Variants in LHFPL3 observed in about 807,000 individuals in gnomAD.
The protein encoded by LHFPL3 is LHFPL tetraspan subfamily member 3 protein.
A neutral mutation model predicts 19.3 loss-of-function variants in LHFPL3; 5 were observed. The ratio of observed to expected loss-of-function variants is 0.26; its 90% CI spans 0.14 to 0.54. The LOEUF is 0.54. LHFPL3 is among the 20% of genes least tolerant of loss of function. LHFPL3 has a pLI of 0.94. For missense variants in LHFPL3, 249 were observed against 307.4 expected (o/e 0.81, Z 1.42); for synonymous variants, 133 against 126.2 (o/e 1.05, Z -0.36).
chr7:104,354,085 C>G (rs1790227787), intron 1 of LHFPL3, among the ~76,000 whole-genome samples: 1 of 152,186 alleles, frequency 6.6e-6, no homozygotes, highest in Admixed American at 6.5e-5. Flanking sequence ...TTGTGTTCCT[C>G]CATTTTTAAT....
At chr7:104,731,857 G>T (rs886119031) in intron 1 of LHFPL3, among the ~76,000 whole-genome samples, 1 of 151,874 alleles carries the variant, frequency 6.6e-6, no homozygotes, top group Non-Finnish European at 1.5e-5. Context: ...ATTGGCTGTG[G>T]GTTTGTCATA....
intron 1 of LHFPL3, among the ~76,000 whole-genome samples, chr7:104,513,954 A>G (rs368034574): frequency 8.6e-5 from 13 of 150,736 alleles, no homozygotes; most frequent in African/African-American, 3.2e-4. Flanking sequence ...GTCAAGGTCA[A>G]GGTGTGTGTG....
chr7:104,466,214 G>T (rs1195217411), intron 1 of LHFPL3, among the ~76,000 whole-genome samples: 1 of 152,202 alleles, frequency 6.6e-6, no homozygotes, highest in South Asian at 2.1e-4. Flanking sequence ...TTTAAATATT[G>T]GTATTGAAAG....
Position 104,502,495 on chromosome 7 carries a change from G to A in LHFPL3, c.445+173271G>A, listed in dbSNP as rs544910895. ...AAGAGTATAGAAATGGCATCTACAT[G>A]TTGGCTAAGCCATCTGGACTGTGAC... On this transcript the variant is annotated intron_variant, in intron 1 of 2. Coordinates refer to ENST00000424859, the MANE Select transcript of LHFPL3 (RefSeq NM_199000.3). Among the ~76,000 whole-genome samples the A allele has an allele frequency of 3.9e-4, 60 of 152,322 alleles. 1 individual carries two copies. The highest frequency in any genetic ancestry group is 1.4e-3 in the African/African-American group (58 of 41,574).
chr7:104,667,860 G>T, intron 1 of LHFPL3: 1 of 1,612,042 alleles, frequency 6.2e-7, no homozygotes, highest in African/African-American at 1.3e-5. Context: ...TTCCAAACCA[G>T]TCAGCTGGGC....
chr7:104,517,565 G>T (rs1374061472), intron 1 of LHFPL3, among the ~76,000 whole-genome samples: 3 of 145,494 alleles, frequency 2.1e-5, no homozygotes, highest in African/African-American at 7.7e-5. Flanking sequence ...GGAGTGCAAT[G>T]GTGTGTTCTT....
At chr7:104,544,211 C>T (rs981010798) in intron 1 of LHFPL3, among the ~76,000 whole-genome samples, 1 of 152,060 alleles carries the variant, frequency 6.6e-6, no homozygotes, top group African/African-American at 2.4e-5. Flanking sequence ...ACTGGATTTT[C>T]AGTCCCTTTC....
chr7:104,812,602 C>T (rs1454760952), intron 2 of LHFPL3, among the ~76,000 whole-genome samples: 2 of 151,266 alleles, frequency 1.3e-5, no homozygotes, highest in African/African-American at 4.9e-5. Context: ...GAGTTCAAGA[C>T]CAGCCTGGCC....
intron 1 of LHFPL3, among the ~76,000 whole-genome samples, chr7:104,392,677 G>A (rs1374018816): frequency 6.6e-6 from 1 of 152,120 alleles, no homozygotes; most frequent in Admixed American, 6.5e-5. Flanking sequence ...CCAGGCTTTG[G>A]TATCAGGATG....
intron 2 of LHFPL3, among the ~76,000 whole-genome samples, chr7:104,875,041 T>G (rs1230073534): frequency 1.3e-5 from 2 of 150,820 alleles, no homozygotes; most frequent in African/African-American, 2.4e-5. Context: ...AGAGATGGGG[T>G]CTCACTATTT....
At chr7:104,370,407 G>A (rs59181217) in intron 1 of LHFPL3, among the ~76,000 whole-genome samples, 1,644 of 152,192 alleles carry the variant, frequency 0.011, 39 homozygotes, top group African/African-American at 0.037. Flanking sequence ...TAGCACCACC[G>A]CCCTCCCCTT....
chr7:104,563,114 A>G (rs1214721580), intron 1 of LHFPL3, among the ~76,000 whole-genome samples: 2 of 151,978 alleles, frequency 1.3e-5, no homozygotes, highest in South Asian at 2.1e-4. Flanking sequence ...TTAAGTCTGC[A>G]GAGGTTACTG....
intron 1 of LHFPL3, among the ~76,000 whole-genome samples, chr7:104,698,441 G>A (rs185184088): frequency 4.1e-4 from 62 of 152,200 alleles, no homozygotes; most frequent in African/African-American, 1.3e-3. Flanking sequence ...CAAAAGCACA[G>A]ACAATAAAAG....
chr7:104,755,671 T>G (rs999549647), intron 2 of LHFPL3, among the ~76,000 whole-genome samples: 4 of 151,704 alleles, frequency 2.6e-5, no homozygotes, highest in African/African-American at 9.7e-5. Flanking sequence ...TTTTTGGTGT[T>G]TGTTTGTTGT....
At chr7:104,794,878 AG>A (rs1446996273) in intron 2 of LHFPL3, among the ~76,000 whole-genome samples, 2 of 152,240 alleles carry the variant, frequency 1.3e-5, no homozygotes, top group African/African-American at 4.8e-5. Context: ...CCTTTGGATA[AG>A]AAAATGAGCT....
At chr7:104,439,329 A>T (rs1562897800) in intron 1 of LHFPL3, among the ~76,000 whole-genome samples, 1 of 152,146 alleles carries the variant, frequency 6.6e-6, no homozygotes, top group Non-Finnish European at 1.5e-5. Context: ...TAGCAAAACC[A>T]GGCAAGGATA....
At chr7:104,740,800 TG>T (rs911339625) in intron 2 of LHFPL3, among the ~76,000 whole-genome samples, 2 of 152,182 alleles carry the variant, frequency 1.3e-5, no homozygotes, top group African/African-American at 4.8e-5. Flanking sequence ...CAATTCAAGG[TG>T]GGATTTGGGT....
chr7:104,377,230 C>T (rs930703237), intron 1 of LHFPL3, among the ~76,000 whole-genome samples: 1 of 152,134 alleles, frequency 6.6e-6, no homozygotes, highest in Non-Finnish European at 1.5e-5. Flanking sequence ...CTCACAGGTG[C>T]CTGGTTTAAA....
rs1356782461 is a variant in LHFPL3 at position 104,748,610 on chromosome 7, G to C, written c.682+11699G>C. Among the ~76,000 whole-genome samples the C allele has an allele frequency of 2.7e-5, 4 of 149,814 alleles. No individual in the cohort carries two copies. The East Asian group carries it at 7.8e-4, about 29-fold the overall frequency. ...GCACTTAATCCTTTACATTGTCTATGATGCAAAGACCTTTGTTCACGTGTT... is the reference window on the plus strand; with the variant it reads ...GCACTTAATCCTTTACATTGTCTATCATGCAAAGACCTTTGTTCACGTGTT... On this transcript the variant is annotated intron_variant, in intron 2 of 2. Transcript: ENST00000424859.
Sources: gnomAD v4.1 joint callset for allele counts (sites outside exome capture counted in the v4.1 genomes callset) on GRCh38, gnomAD v4.1.1 for gene constraint, MANE v1.5 for transcripts, NCBI Gene and HGNC (gene_info 2026-07-23, HGNC 2026-07-21) for gene names.